Variants in MYO18B observed in about 807,000 individuals in gnomAD.
MYO18B encodes the protein myosin XVIIIB, also known as unconventional myosin-XVIIIb.
In MYO18B, 204 loss-of-function variants were observed where a neutral mutation model predicts 273.0. The ratio of observed to expected loss-of-function variants is 0.75; its 90% CI spans 0.67 to 0.84. The LOEUF is 0.84. Among genes scored for constraint, MYO18B ranks in the 40% least tolerant of loss-of-function variants. The probability of loss-of-function intolerance (pLI) is 0.00; values close to 1 mark genes in which losing one functional copy is unlikely to be tolerated. For synonymous variants in MYO18B, 1,330 were observed against 1,305.7 expected (o/e 1.02, Z -0.40); for missense variants, 3,212 against 3,287.6 (o/e 0.98, Z 0.56).
At chr22:25,822,034 A>G (rs1006576818) in intron 12 of MYO18B, among the ~76,000 whole-genome samples, 6 of 152,174 alleles carry the variant, frequency 3.9e-5, no homozygotes, top group Non-Finnish European at 7.4e-5. Flanking sequence ...AGCATTGTCC[A>G]TGGTATGCAC....
At chr22:26,035,771 A>T (rs1377775009), downstream of MYO18B, among the ~76,000 whole-genome samples, 1 of 152,324 alleles carries the variant, frequency 6.6e-6, no homozygotes, top group South Asian at 2.1e-4. Flanking sequence ...TAAAGCAGGG[A>T]AGGAGAACAG....
intron 34 of MYO18B, among the ~76,000 whole-genome samples, chr22:25,940,872 A>G (rs1350512781): frequency 6.6e-6 from 1 of 152,220 alleles, no homozygotes; most frequent in African/African-American, 2.4e-5. Flanking sequence ...ACTTGGAATG[A>G]ACATTTTACT....
intron 34 of MYO18B, among the ~76,000 whole-genome samples, chr22:25,924,098 C>T (rs1481086824): frequency 3.9e-5 from 6 of 152,174 alleles, no homozygotes; most frequent in Admixed American, 1.3e-4. Flanking sequence ...GATGGGATCG[C>T]GTGGACCAGA....
At chr22:25,933,147 T>G (rs1489520693) in intron 34 of MYO18B, among the ~76,000 whole-genome samples, 1 of 152,168 alleles carries the variant, frequency 6.6e-6, no homozygotes, top group Non-Finnish European at 1.5e-5. Flanking sequence ...GTTCCTCAAT[T>G]TTGGGTGAAC....
intron 20 of MYO18B, 106 bp downstream of exon 20, chr22:25,847,758 A>C: frequency 1.3e-6 from 1 of 780,400 alleles, no homozygotes; most frequent in South Asian, 1.7e-5. Context: ...TAGGAGCTTC[A>C]CACCCAGCAT....
At chr22:25,851,792 G>A (rs370759172) in intron 21 of MYO18B, among the ~76,000 whole-genome samples, 1 of 152,136 alleles carries the variant, frequency 6.6e-6, no homozygotes, top group South Asian at 2.1e-4. Flanking sequence ...GTTCCATAAG[G>A]GATTGCCCCA....
At chr22:25,902,906 G>A in intron 30 of MYO18B, 170 bp downstream of exon 30, 1 of 729,848 alleles carries the variant, frequency 1.4e-6, no homozygotes, top group Non-Finnish European at 2.2e-6. Flanking sequence ...ATGGTGGCTG[G>A]TAAATTGATA....
intron 3 of MYO18B, among the ~76,000 whole-genome samples, chr22:25,766,928 G>C (rs148307767): frequency 2.6e-5 from 4 of 152,180 alleles, no homozygotes; most frequent in Non-Finnish European, 5.9e-5. Context: ...GAGGGATAGC[G>C]GACATGAGTT....
At chr22:26,008,532 A>C (rs1043791897) in intron 42 of MYO18B, among the ~76,000 whole-genome samples, 2 of 152,328 alleles carry the variant, frequency 1.3e-5, no homozygotes, top group African/African-American at 4.8e-5. Flanking sequence ...CATTCCCCAC[A>C]TTATTTATAA....
At position 25,782,903 on chromosome 22, in the gene MYO18B, T is replaced by A. The variant is rs139269445; in HGVS notation, c.2312+1069T>A. 6.5e-4 allele frequency among the ~76,000 whole-genome samples: 99 copies of A among 152,188 alleles called. 1 individual carries two copies. The highest frequency in any genetic ancestry group is 2.2e-3 in the African/African-American group (90 of 41,490). ...CTTGGAGTGGGGTGGTATAGCAGAG[T>A]GACAGGTACCACAGACTCGAGGACA... is the stretch of plus-strand genomic sequence containing the variant. On this transcript the variant is annotated intron_variant, in intron 10 of 43. Coordinates refer to ENST00000335473, the MANE Select transcript of MYO18B (RefSeq NM_032608.7).
the MYO18B span, among the ~76,000 whole-genome samples, chr22:26,042,748 C>A: frequency 6.6e-6 from 1 of 152,192 alleles, no homozygotes; most frequent in Admixed American, 6.5e-5. Flanking sequence ...TATGAATTCA[C>A]TCAACAAGCA....
chr22:25,813,061 C>T (rs1291577201), intron 12 of MYO18B, among the ~76,000 whole-genome samples: 1 of 150,914 alleles, frequency 6.6e-6, no homozygotes, highest in Non-Finnish European at 1.5e-5. Context: ...TTTTCTCTTC[C>T]CTTCCTTCTT....
Position 26,026,922 on chromosome 22 carries a change from C to T in MYO18B, c.6948C>T (p.Ala2316=), listed in dbSNP as rs538993025. 1.9e-5 allele frequency: 31 copies of T among 1,611,264 alleles called. No individual in the cohort carries two copies. The highest frequency in any genetic ancestry group is 7.7e-5 in the South Asian group (7 of 90,898). The change falls in exon 43 of 44, where the codon GCC becomes GCT. Residue 2316 remains alanine, a synonymous_variant. Coordinates refer to ENST00000335473, the MANE Select transcript of MYO18B (RefSeq NM_032608.7). ...AGTCACCCCTGGAAATCGAAGGGGC[C>T]GCTGGTGGTCTCTTGAGGTCCACCA... ...GAKSPLEIEG[A]AGGLLRSTSL...
At chr22:25,888,170 CA>C (rs1475573715) in intron 25 of MYO18B, among the ~76,000 whole-genome samples, 2 of 152,138 alleles carry the variant, frequency 1.3e-5, no homozygotes, top group East Asian at 3.8e-4. Context: ...TTTTTTTGTT[CA>C]TAAAAATCAC....
intron 17 of MYO18B, 32 bp from the exon 18 acceptor site, chr22:25,843,703 T>C (rs751326358): frequency 3.7e-6 from 6 of 1,602,482 alleles, no homozygotes; most frequent in South Asian, 3.3e-5. Context: ...CTCAACAGGC[T>C]CCAGCACTCA....
the MYO18B span, among the ~76,000 whole-genome samples, chr22:26,041,843 T>C: frequency 0.32 from 48,368 of 152,114 alleles, 11,633 homozygotes; most frequent in African/African-American, 0.67. Context: ...GGGCCTGTTC[T>C]CTGTGTCACA....
intron 25 of MYO18B, among the ~76,000 whole-genome samples, chr22:25,881,927 G>A (rs879420809): frequency 3.3e-5 from 5 of 152,148 alleles, no homozygotes; most frequent in Non-Finnish European, 7.3e-5. Context: ...TTTGGCCTTG[G>A]ATGCCCTCTC....
At position 25,845,113 on chromosome 22, in the gene MYO18B, A is replaced by G. The variant is rs575826543; in HGVS notation, c.3369-987A>G. The stretch of plus-strand genomic sequence containing the variant: ...GTTCCAAAGCTCCCATGTCTGATCT[A>G]AGAAGGCTTTGGTGACGTAAAGTAG... On this transcript the variant is annotated intron_variant, in intron 18 of 43. Coordinates refer to ENST00000335473, the MANE Select transcript of MYO18B (RefSeq NM_032608.7). Among the ~76,000 whole-genome samples the G allele has an allele frequency of 7.9e-4, 120 of 152,344 alleles. 1 individual carries two copies. The highest frequency in any genetic ancestry group is 2.7e-3 in the African/African-American group (113 of 41,580).
chr22:25,770,758 C>A, intron 5 of MYO18B, 114 bp from the exon 6 acceptor site: 1 of 725,290 alleles, frequency 1.4e-6, no homozygotes, highest in South Asian at 1.7e-5. Flanking sequence ...CAAGCCTTCT[C>A]CCAAGCTTGC....
Sources: gnomAD v4.1 joint callset for allele counts (sites outside exome capture counted in the v4.1 genomes callset) on GRCh38, gnomAD v4.1.1 for gene constraint, MANE v1.5 for transcripts, NCBI Gene and HGNC (gene_info 2026-07-23, HGNC 2026-07-21) for gene names.